The following PCNX2 variants were observed in gnomAD, a reference collection of about 807,000 sequenced individuals.
PCNX2 encodes pecanex-like protein 2.
PCNX2 carries 168 observed loss-of-function variants against 223.8 expected under a neutral mutation model. The ratio of observed to expected loss-of-function variants is 0.75; its 90% CI spans 0.66 to 0.85. PCNX2 has a LOEUF of 0.85. Ranked by LOEUF, PCNX2 falls within the 40% of genes least tolerant of loss-of-function variation. The probability of loss-of-function intolerance (pLI) is 0.00; values close to 1 mark genes in which losing one functional copy is unlikely to be tolerated. For synonymous variants in PCNX2, 1,006 were observed against 1,052.6 expected (o/e 0.96, Z 0.86); for missense variants, 2,507 against 2,675.5 (o/e 0.94, Z 1.39).
At chr1:233,138,222 G>A (rs577298261) in intron 20 of PCNX2, among the ~76,000 whole-genome samples, 1 of 152,158 alleles carries the variant, frequency 6.6e-6, no homozygotes, top group African/African-American at 2.4e-5. Context: ...GCACCTTTCT[G>A]ACTTTAGTGT....
In PCNX2 at chr1:232,999,922, G is replaced by A. The variant is rs575164391; in HGVS notation, c.5328+383C>T. 6.6e-5 allele frequency among the ~76,000 whole-genome samples: 10 copies of A among 152,330 alleles called. No homozygotes were observed. In the South Asian group the frequency reaches 2.1e-3, roughly 32 times the overall value. ...GTGATTTGAAGCTATATGAAAAGAG[G>A]AGCCATTGGGAATAAGGCCTTCGGA... On this transcript the variant is annotated intron_variant, in intron 30 of 33. Coordinates refer to ENST00000258229, the MANE Select transcript of PCNX2 (RefSeq NM_014801.4).
intron 23 of PCNX2, among the ~76,000 whole-genome samples, chr1:233,072,454 G>T (rs7522379): frequency 1.3e-5 from 2 of 151,908 alleles, no homozygotes; most frequent in Non-Finnish European, 2.9e-5. Context: ...CTTATTTCTG[G>T]GTTTTCTATT....
At chr1:233,218,798 A>G (rs1034975020) in intron 10 of PCNX2, among the ~76,000 whole-genome samples, 1 of 152,062 alleles carries the variant, frequency 6.6e-6, no homozygotes, top group African/African-American at 2.4e-5. Flanking sequence ...GTAGTTAATG[A>G]TTCCATCCAT....
At chr1:233,241,779 G>A (rs963071822) in intron 8 of PCNX2, among the ~76,000 whole-genome samples, 13 of 152,114 alleles carry the variant, frequency 8.5e-5, no homozygotes, top group African/African-American at 2.9e-4. Context: ...ATCTAATATC[G>A]AGAGAAGTCA....
chr1:233,106,574 G>A (rs1374199208), intron 21 of PCNX2, among the ~76,000 whole-genome samples: 4 of 151,700 alleles, frequency 2.6e-5, no homozygotes, highest in East Asian at 1.9e-4. Flanking sequence ...GGACGGTCTC[G>A]ATCTCCTTAC....
intron 10 of PCNX2, among the ~76,000 whole-genome samples, chr1:233,219,824 G>A (rs868748555): frequency 1.3e-5 from 2 of 151,952 alleles, no homozygotes; most frequent in African/African-American, 2.4e-5. Flanking sequence ...GTTTACATCC[G>A]AGTTCACTCT....
chr1:233,156,798 A>G lies in PCNX2; in HGVS notation c.3517+3485T>C, dbSNP rs1384370972. On this transcript the variant is annotated intron_variant, in intron 19 of 33. Transcript: ENST00000258229. ...CCGGGTGTGGTGGCGGGCACCTGTA[A>G]TCCCAGCTACTCAGGAGGCTGAGGC... is the stretch of plus-strand genomic sequence containing the variant. Among the ~76,000 whole-genome samples, 3 of 152,048 alleles carry G rather than the reference A, an allele frequency of 2.0e-5. No individual in the cohort carries two copies. In the East Asian group the frequency reaches 5.8e-4, roughly 29 times the overall value.
At chr1:233,234,143 G>C (rs1289497799) in intron 9 of PCNX2, among the ~76,000 whole-genome samples, 1 of 152,118 alleles carries the variant, frequency 6.6e-6, no homozygotes, top group Non-Finnish European at 1.5e-5. Flanking sequence ...TGTATACCCA[G>C]CTTCTAGCAC....
At chr1:233,162,367 T>C (rs1678545007) in intron 17 of PCNX2, among the ~76,000 whole-genome samples, 2 of 152,198 alleles carry the variant, frequency 1.3e-5, no homozygotes, top group Admixed American at 6.5e-5. Flanking sequence ...TATACCTCCC[T>C]TTCTCATATC....
chr1:233,033,226 G>C, intron 25 of PCNX2: 1 of 979,646 alleles, frequency 1.0e-6, no homozygotes, highest in Non-Finnish European at 1.2e-6. Context: ...GCCAAGCCCA[G>C]CCAGACTTAT....
At chr1:233,214,616 G>A (rs16858877) in intron 12 of PCNX2, among the ~76,000 whole-genome samples, 11,055 of 152,074 alleles carry the variant, frequency 0.073, 1,277 homozygotes, top group African/African-American at 0.25. Flanking sequence ...TTGCTTTCTG[G>A]GTTATTAGTG....
At chr1:233,257,339 A>C (rs1212994107) in intron 5 of PCNX2, among the ~76,000 whole-genome samples, 2 of 152,116 alleles carry the variant, frequency 1.3e-5, no homozygotes, top group Non-Finnish European at 2.9e-5. Context: ...CATAACGTAA[A>C]GTTATATAAG....
At chr1:233,068,170 A>C (rs538652908) in intron 23 of PCNX2, among the ~76,000 whole-genome samples, 3 of 152,228 alleles carry the variant, frequency 2.0e-5, no homozygotes, top group Non-Finnish European at 4.4e-5. Flanking sequence ...ATATGTTTTT[A>C]AGTGCTGAAA....
intron 1 of PCNX2, among the ~76,000 whole-genome samples, chr1:233,278,112 T>C (rs1661007463): frequency 6.6e-6 from 1 of 152,190 alleles, no homozygotes. Context: ...TTTCAAGTAA[T>C]TATAAACTCC....
At chr1:233,194,625 A>G (rs1190589967) in intron 15 of PCNX2, among the ~76,000 whole-genome samples, 17 of 152,182 alleles carry the variant, frequency 1.1e-4, no homozygotes, top group Admixed American at 1.1e-3. Context: ...AACATAAGCT[A>G]TTTTATGTGA....
intron 25 of PCNX2, among the ~76,000 whole-genome samples, chr1:233,028,844 T>A (rs1352597933): frequency 4.0e-5 from 6 of 150,058 alleles, no homozygotes; most frequent in Non-Finnish European, 7.4e-5. Flanking sequence ...CAGTCCTTTT[T>A]TTTTTTTTTT....
intron 32 of PCNX2, among the ~76,000 whole-genome samples, chr1:232,989,106 A>G (rs193189379): frequency 1.2e-4 from 19 of 152,140 alleles, no homozygotes; most frequent in African/African-American, 4.6e-4. Flanking sequence ...AGTCTTGGTG[A>G]CTTGGTGAGT....
rs1300623972 is a variant in PCNX2, at chr1:233,126,317, G to A, written c.3837+8696C>T. On this transcript the variant is annotated intron_variant, in intron 21 of 33. Transcript: ENST00000258229. This position sits in a 1 kb window ranked among gnomAD's most constrained non-coding sequence, Gnocchi z 4.8. ...ACAGAAAAGCTTGGAAACAAACTAG[G>A]TGCCTGTTAATAATGAAATAACTCA... The A allele has an allele frequency of 1.3e-5, 2 of 152,258 alleles. No individual in the cohort carries two copies. The highest frequency in any genetic ancestry group is 3.9e-4 in the East Asian group (2 of 5,186). 9.4% of individuals were successfully genotyped at this position (152,258 alleles called of 1,614,324 possible).
chr1:233,324,598 ATTTT>A, the PCNX2 span, among the ~76,000 whole-genome samples: 2 of 127,546 alleles, frequency 1.6e-5, no homozygotes, highest in Admixed American at 8.2e-5. Context: ...GTTTACTGAA[ATTTT>A]TTTTTTTTTT....
Sources: gnomAD v4.1 joint callset for allele counts (sites outside exome capture counted in the v4.1 genomes callset) on GRCh38, gnomAD v4.1.1 for gene constraint, Gnocchi (gnomAD v3.1) non-coding constraint, MANE v1.5 for transcripts, NCBI Gene and HGNC (gene_info 2026-07-23, HGNC 2026-07-21) for gene names.